The following ELL variants were observed in gnomAD, a reference collection of about 807,000 sequenced individuals.
The protein encoded by ELL is RNA polymerase II elongation factor ELL.
A neutral mutation model predicts 64.0 loss-of-function variants in ELL; 18 were observed. The observed-to-expected ratio is 0.28, with a 90% CI of 0.19 to 0.42. The LOEUF is 0.42. Among genes scored for constraint, ELL ranks in the 10% least tolerant of loss-of-function variants. The pLI is 1.00. For synonymous variants in ELL, 399 were observed against 376.2 expected (o/e 1.06, Z -0.70); for missense variants, 797 against 870.4 (o/e 0.92, Z 1.06).
chr19:18,509,590 C>T (rs535864213), intron 1 of ELL, among the ~76,000 whole-genome samples: 2 of 112,976 alleles, frequency 1.8e-5, no homozygotes, highest in African/African-American at 8.7e-5. Flanking sequence ...CGTGCGCGCG[C>T]GCGCACATAC....
chr19:18,518,664 G>A (rs1266131470), intron 1 of ELL, among the ~76,000 whole-genome samples: 1 of 151,828 alleles, frequency 6.6e-6, no homozygotes, highest in Non-Finnish European at 1.5e-5. Context: ...GGTGATGCGT[G>A]CCTGTAATCC....
intron 1 of ELL, chr19:18,473,305 C>T (rs558523507): frequency 4.4e-6 from 2 of 457,316 alleles, no homozygotes; most frequent in South Asian, 1.6e-5. Flanking sequence ...TGGATCATGA[C>T]TCTCCCAAGG....
intron 4 of ELL, among the ~76,000 whole-genome samples, chr19:18,463,333 T>C (rs1245330218): frequency 2.9e-5 from 4 of 138,292 alleles, no homozygotes; most frequent in South Asian, 2.5e-4. Context: ...ATCTTTTTTT[T>C]TTTTTTTTTT....
At chr19:18,467,237 G>C (rs190663273) in intron 2 of ELL, among the ~76,000 whole-genome samples, 3 of 152,066 alleles carry the variant, frequency 2.0e-5, no homozygotes, top group African/African-American at 7.2e-5. Context: ...CAGTCTGCCC[G>C]GCCTGCAGAC....
At chr19:18,513,439 C>T (rs943608450) in intron 1 of ELL, among the ~76,000 whole-genome samples, 19 of 152,252 alleles carry the variant, frequency 1.2e-4, no homozygotes, top group East Asian at 9.6e-4. Flanking sequence ...GAAGAAGAGA[C>T]GCAAAACCAT....
chr19:18,476,395 A>AC (rs898938871), intron 1 of ELL, among the ~76,000 whole-genome samples: 10 of 151,944 alleles, frequency 6.6e-5, no homozygotes, highest in East Asian at 3.9e-4. Context: ...AGGGTGCACA[A>AC]CCCCCCCAAG....
chr19:18,471,418 A>C (rs1975062791), intron 2 of ELL: 1 of 416,558 alleles, frequency 2.4e-6, no homozygotes, highest in Non-Finnish European at 4.8e-6. Flanking sequence ...CTGTAATCCC[A>C]GCACTTTGGG....
chr19:18,514,513 C>CAA lies in ELL; in HGVS notation c.135+7406_135+7407dup, dbSNP rs557236460. ...TGGGCAACAGAGTGAGACTCCATCT[C>CAA]AAAAAAAAAAAAAAAAAAAAAAGCA... On this transcript the variant is annotated intron_variant, in intron 1 of 11. Transcript: ENST00000262809. 2.9e-3 allele frequency among the ~76,000 whole-genome samples: 110 copies of CAA among 38,506 alleles called. 1 individual carries two copies. The highest frequency in any genetic ancestry group is 3.3e-3 in the African/African-American group (38 of 11,568). 25.3% of individuals were successfully genotyped at this position (38,506 alleles called of 152,430 possible). A position where few individuals can be genotyped will look rare whatever the true frequency, so the allele number is the denominator to read the frequency against.
intron 6 of ELL, among the ~76,000 whole-genome samples, chr19:18,455,966 G>GC (rs1974664643): frequency 6.6e-6 from 1 of 151,884 alleles, no homozygotes; most frequent in African/African-American, 2.4e-5. Flanking sequence ...GGCATGGTGC[G>GC]CATGCCTGTA....
At chr19:18,446,031 T>C (rs529558142) in intron 10 of ELL, 4 of 458,312 alleles carry the variant, frequency 8.7e-6, no homozygotes, top group Admixed American at 3.9e-5. Flanking sequence ...TGGGGATCCA[T>C]GTACCCCGGC....
chr19:18,468,244 A>AC (rs60086890), intron 2 of ELL, among the ~76,000 whole-genome samples: 1 of 151,150 alleles, frequency 6.6e-6, no homozygotes, highest in Admixed American at 6.6e-5. Flanking sequence ...ACACACACAC[A>AC]AACACAATCC....
intron 1 of ELL, among the ~76,000 whole-genome samples, chr19:18,521,677 G>A (rs1009576260): frequency 1.2e-4 from 18 of 151,082 alleles, no homozygotes; most frequent in Admixed American, 1.1e-3. Context: ...GGCCCGGCGC[G>A]CGAGTCTGGG....
chr19:18,507,525 C>T (rs993765533), intron 1 of ELL, among the ~76,000 whole-genome samples: 1 of 152,238 alleles, frequency 6.6e-6, no homozygotes, highest in Non-Finnish European at 1.5e-5. Flanking sequence ...GAGCTTGCTT[C>T]TGTGGAGGGA....
chr19:18,487,865 C>T (rs1185324384), intron 1 of ELL, among the ~76,000 whole-genome samples: 1 of 152,212 alleles, frequency 6.6e-6, no homozygotes, highest in Non-Finnish European at 1.5e-5. Flanking sequence ...TTTCAGAATC[C>T]GAACACTCAG....
At chr19:18,521,239 G>A (rs1976264026) in intron 1 of ELL, among the ~76,000 whole-genome samples, 1 of 152,084 alleles carries the variant, frequency 6.6e-6, no homozygotes, top group South Asian at 2.1e-4. Flanking sequence ...TCCGGAGAGA[G>A]AGGGTCACCT....
intron 1 of ELL, among the ~76,000 whole-genome samples, chr19:18,474,920 C>T (rs1329792244): frequency 1.3e-5 from 2 of 152,146 alleles, no homozygotes; most frequent in Non-Finnish European, 2.9e-5. Context: ...GTCAGGAGTT[C>T]GAGACCAGTC....
At chr19:18,519,338 T>TA (rs1296117722) in intron 1 of ELL, among the ~76,000 whole-genome samples, 1 of 152,128 alleles carries the variant, frequency 6.6e-6, no homozygotes, top group Non-Finnish European at 1.5e-5. Context: ...TTCTGGGTGA[T>TA]AGAGTTGTCC....
At position 18,446,340 on chromosome 19, in the gene ELL, C is replaced by T. The variant is rs754788104; in HGVS notation, c.1673G>A (p.Arg558Gln). The T allele has an allele frequency of 4.4e-6, 7 of 1,599,106 alleles. No individual in the cohort carries two copies. Among genetic ancestry groups the T allele is most frequent in the African/African-American group, 1.3e-5 (1 of 74,860 alleles). ...RRFTQLDAQL[R>Q]QLSQGSEEYE... Reference sequence around the variant, plus strand: ...CTCCTCGGAGCCCTGGGAGAGCTGCCGGAGCTGGGCGTCGAGCTGGGTGAA... The same window carrying T: ...CTCCTCGGAGCCCTGGGAGAGCTGCTGGAGCTGGGCGTCGAGCTGGGTGAA... Residue 558 changes from arginine to glutamine, a missense_variant, in exon 10 of 12, where the codon CGG becomes CAG. Coordinates refer to ENST00000262809, the MANE Select transcript of ELL (RefSeq NM_006532.4).
Position 18,472,886 on chromosome 19 carries a change from T to TAAAAAAAAAACAAA in ELL, c.136-5_136-4insTTTGTTTTTTTTTT. The TAAAAAAAAAACAAA allele has an allele frequency of 3.3e-6, 4 of 1,213,072 alleles. No homozygotes were observed. The highest frequency in any genetic ancestry group is 3.6e-5 in the South Asian group (2 of 55,648). 75.1% of individuals were successfully genotyped at this position (1,213,072 alleles called of 1,614,324 possible). ...ATGGCCTCAGTGAAACAGAATCCTA[T>TAAAAAAAAAACAAA]AAAAAAAAAAAAAAAAAAAAAAAGG... On this transcript the variant is annotated splice_region_variant and splice_polypyrimidine_tract_variant and intron_variant, in intron 1 of 11. Coordinates refer to ENST00000262809, the MANE Select transcript of ELL (RefSeq NM_006532.4).
Sources: gnomAD v4.1 joint callset for allele counts (sites outside exome capture counted in the v4.1 genomes callset) on GRCh38, gnomAD v4.1.1 for gene constraint, MANE v1.5 for transcripts, NCBI Gene and HGNC (gene_info 2026-07-23, HGNC 2026-07-21) for gene names.